PARP14: variants seen among roughly 807,000 people sequenced by gnomAD.
The protein encoded by PARP14 is poly(ADP-ribose) polymerase family member 14, also known as protein mono-ADP-ribosyltransferase PARP14.
In PARP14, 59 loss-of-function variants were observed where a neutral mutation model predicts 154.2. The observed-to-expected ratio is 0.38, with a 90% CI of 0.31 to 0.48. The LOEUF is 0.48. Ranked by LOEUF, PARP14 falls within the 20% of genes least tolerant of loss-of-function variation. The probability of loss-of-function intolerance (pLI) is 0.98; values close to 1 mark genes in which losing one functional copy is unlikely to be tolerated. For missense variants in PARP14, 1,734 were observed against 2,131.6 expected (o/e 0.81, Z 3.67); for synonymous variants, 720 against 780.5 (o/e 0.92, Z 1.29).
chr3:122,699,951 G>A lies in PARP14; in HGVS notation c.1397G>A (p.Ser466Asn), dbSNP rs1938900089. Residue 466 changes from serine to asparagine, a missense_variant, in exon 6 of 17, where the codon AGT (serine) becomes AAT (asparagine). By Grantham distance (46) the Ser-to-Asn change is conservative. This residue lies in a region of PARP14 where 1,646 missense variants were observed against 1,976.0 expected (regional missense o/e 0.83). Coordinates refer to ENST00000474629, the MANE Select transcript of PARP14 (RefSeq NM_017554.3). Reference sequence around the variant, plus strand: ...CAAAAAATTAAAAGGGAAGAGCAAAGTTTGAAGGAAAAAATGATCATTTCT... The same window carrying A: ...CAAAAAATTAAAAGGGAAGAGCAAAATTTGAAGGAAAAAATGATCATTTCT... Reference protein sequence around the residue: ...TTQKIKREEQSLKEKMIISPG... With the variant: ...TTQKIKREEQNLKEKMIISPG... The A allele has an allele frequency of 1.2e-6, 2 of 1,613,796 alleles. No individual in the cohort carries two copies. Among genetic ancestry groups the A allele is most frequent in the African/African-American group, 1.3e-5 (1 of 74,942 alleles).
At chr3:122,697,950 G>C (rs1938832630) in intron 5 of PARP14, among the ~76,000 whole-genome samples, 1 of 152,206 alleles carries the variant, frequency 6.6e-6, no homozygotes, top group Non-Finnish European at 1.5e-5. Context: ...TCTTGGCCGA[G>C]TTACTTTAAC....
intron 2 of PARP14, among the ~76,000 whole-genome samples, chr3:122,685,860 G>A (rs1469879326): frequency 6.6e-6 from 1 of 152,118 alleles, no homozygotes; most frequent in Non-Finnish European, 1.5e-5. Context: ...AAGATTTGGG[G>A]ATTATAATAA....
In PARP14 at chr3:122,697,477, C is replaced by G. The variant is rs1938815064; in HGVS notation, c.835+1815C>G. ...GTATTCTGGTCCCATAACATATACC[C>G]TAACTTCTCTCCTCTTTCCAAATCT... On this transcript the variant is annotated intron_variant, in intron 5 of 16. Transcript: ENST00000474629. Among the ~76,000 whole-genome samples the G allele has an allele frequency of 8.5e-5, 13 of 152,340 alleles. No homozygotes were observed. The South Asian group carries it at 2.7e-3, about 32-fold the overall frequency.
At chr3:122,716,633 C>T (rs568223551) in intron 12 of PARP14, among the ~76,000 whole-genome samples, 1 of 152,302 alleles carries the variant, frequency 6.6e-6, no homozygotes, top group South Asian at 2.1e-4. Flanking sequence ...GACTTTACTT[C>T]CAAAATAGCT....
In PARP14 at chr3:122,701,374, C is replaced by T; in HGVS notation, c.2820C>T (p.Ala940=). 6.2e-7 allele frequency: 1 copy of T among 1,614,032 alleles called. No individual in the cohort carries two copies. The highest frequency in any genetic ancestry group is 8.5e-7 in the Non-Finnish European group (1 of 1,179,878). ...LGRCVETIVS[A]IKENFQFKKD... is the part of the protein sequence containing the mutation. ...GATGCGTGGAGACCATTGTTTCTGC[C>T]ATCAAGGAAAACTTCCAATTCAAGA... The change falls in exon 6 of 17, where the codon GCC becomes GCT. Residue 940 remains alanine, a synonymous_variant. Transcript: ENST00000474629. This position sits in a 1 kb window ranked among gnomAD's most constrained non-coding sequence, Gnocchi z 4.0.
chr3:122,713,769 A>T (rs1939395616), intron 10 of PARP14, 103 bp from the exon 11 acceptor site: 1 of 928,894 alleles, frequency 1.1e-6, no homozygotes, highest in African/African-American at 1.6e-5. Context: ...CAATTAGAGG[A>T]TTCCTCAGAT....
chr3:122,714,243 T>G lies in PARP14; in HGVS notation c.3833-19T>G. ...TTCAACTTCTACTAATTTTGCATCT[T>G]TTTGTCTGTGTTTCCCAGCTCAGCA... is the stretch of plus-strand genomic sequence containing the variant. On this transcript the variant is annotated intron_variant, in intron 11 of 16. Transcript: ENST00000474629. 1 of 1,578,216 alleles carries G rather than the reference T, an allele frequency of 6.3e-7. No homozygotes were observed. Among genetic ancestry groups the G allele is most frequent in the Non-Finnish European group, 8.6e-7 (1 of 1,168,326 alleles).
At chr3:122,718,001 C>A (rs891462552) in intron 12 of PARP14, 70 bp from the exon 13 acceptor site, 3 of 1,182,994 alleles carry the variant, frequency 2.5e-6, no homozygotes, top group African/African-American at 1.5e-5. Flanking sequence ...ATTGGAAACC[C>A]TAATTTATTC....
chr3:122,728,623 T>G lies in PARP14; in HGVS notation c.*26T>G. 6.3e-7 allele frequency: 1 copy of G among 1,574,834 alleles called. No homozygotes were observed. The highest frequency in any genetic ancestry group is 1.7e-5 in the Admixed American group (1 of 58,152). On this transcript the variant is annotated 3_prime_UTR_variant, in exon 17 of 17. Coordinates refer to ENST00000474629, the MANE Select transcript of PARP14 (RefSeq NM_017554.3). ...CACTTTGGTATCCTTCCCACAAAAT[T>G]ATTCTCCATTTGTACATATCTAGTT...
At chr3:122,702,227 A>C (rs991025616) in intron 6 of PARP14, among the ~76,000 whole-genome samples, 3 of 151,732 alleles carry the variant, frequency 2.0e-5, no homozygotes, top group Admixed American at 6.6e-5. Context: ...TTTTCTTTTT[A>C]TTTTTTTGAG....
chr3:122,703,820 G>A lies in PARP14; in HGVS notation c.3160G>A (p.Ala1054Thr). 3.1e-6 allele frequency: 5 copies of A among 1,613,942 alleles called. No homozygotes were observed. Among genetic ancestry groups the A allele is most frequent in the Non-Finnish European group, 4.2e-6 (5 of 1,179,854 alleles). The stretch of plus-strand genomic sequence containing the variant: ...TCTTTCTAAGTCCCTCTTGGAAAAA[G>A]CTGGACCAGAGCTCCAGGAGGAATT... Reference protein sequence around the residue: ...GPLSKSLLEKAGPELQEELDT... With the variant: ...GPLSKSLLEKTGPELQEELDT... Residue 1054 changes from alanine (A) to threonine (T), a missense_variant, in exon 7 of 17, where the codon GCT becomes ACT. Ala to Thr is a moderately conservative substitution (Grantham distance 58). This residue lies in a region of PARP14 where 1,646 missense variants were observed against 1,976.0 expected (regional missense o/e 0.83). Transcript: ENST00000474629.
rs1395422506 is a variant in PARP14 at position 122,701,647 on chromosome 3, T to C, written c.3081+12T>C. The C allele has an allele frequency of 2.6e-6, 4 of 1,549,480 alleles. No individual in the cohort carries two copies. The highest frequency in any genetic ancestry group is 3.5e-4 in the Middle Eastern group (2 of 5,680). On this transcript the variant is annotated intron_variant, in intron 6 of 16. Transcript: ENST00000474629. This position sits in a 1 kb window ranked among gnomAD's most constrained non-coding sequence, Gnocchi z 4.0. ...TGCAGAATGCTAAGGTGAGTGTCGC[T>C]TTTACAGAACACCACCAGGGCACTG...
chr3:122,708,094 A>G (rs887556977), intron 8 of PARP14, 96 bp from the exon 9 acceptor site: 2 of 616,670 alleles, frequency 3.2e-6, no homozygotes, highest in South Asian at 2.0e-5. Context: ...TTATCTCCCA[A>G]ATATGTATGT....
chr3:122,699,964 A>G lies in PARP14; in HGVS notation c.1410A>G (p.Lys470=). Residue 470 remains lysine (K), a synonymous_variant, in exon 6 of 17, where the codon AAA becomes AAG. Coordinates refer to ENST00000474629, the MANE Select transcript of PARP14 (RefSeq NM_017554.3). ...IKREEQSLKE[K]MIISPGRYFL... Reference sequence around the variant, plus strand: ...GGGAAGAGCAAAGTTTGAAGGAAAAAATGATCATTTCTCCAGGCAGGTATT... The same window carrying G: ...GGGAAGAGCAAAGTTTGAAGGAAAAGATGATCATTTCTCCAGGCAGGTATT... 6.2e-7 allele frequency: 1 copy of G among 1,613,960 alleles called. No individual in the cohort carries two copies. The highest frequency in any genetic ancestry group is 8.5e-7 in the Non-Finnish European group (1 of 1,179,840).
chr3:122,716,382 A>G (rs1278041584), intron 12 of PARP14, among the ~76,000 whole-genome samples: 1 of 152,136 alleles, frequency 6.6e-6, no homozygotes, highest in East Asian at 1.9e-4. Context: ...CTTAGGAATT[A>G]TTTGATTGAA....
chr3:122,694,762 C>T (rs781488122), intron 4 of PARP14, among the ~76,000 whole-genome samples: 10 of 152,216 alleles, frequency 6.6e-5, no homozygotes, highest in Middle Eastern at 6.8e-3. Flanking sequence ...TCAGGTGATC[C>T]GCCTGCCTTG....
chr3:122,726,497 C>T (rs1245866504), intron 15 of PARP14, among the ~76,000 whole-genome samples: 1 of 152,110 alleles, frequency 6.6e-6, no homozygotes, highest in East Asian at 1.9e-4. Flanking sequence ...GACTTTTCTC[C>T]CTCTCTAGCT....
chr3:122,705,589 C>T (rs1203237776), intron 8 of PARP14, among the ~76,000 whole-genome samples: 1 of 152,178 alleles, frequency 6.6e-6, no homozygotes, highest in Admixed American at 6.5e-5. Context: ...GCTTTTAAGC[C>T]ATTATCCCTG....
At chr3:122,725,341 G>A (rs1224257065) in intron 15 of PARP14, among the ~76,000 whole-genome samples, 1 of 151,698 alleles carries the variant, frequency 6.6e-6, no homozygotes, top group African/African-American at 2.4e-5. Context: ...TGGGGTGGCG[G>A]CCGGGCAGAG....
Sources: allele counts gnomAD v4.1 joint callset (sites outside exome capture counted in the v4.1 genomes callset), GRCh38; gene constraint gnomAD v4.1.1; regional missense constraint gnomAD v4.1.1; non-coding constraint Gnocchi (gnomAD v3.1); transcripts MANE v1.5; gene names NCBI Gene and HGNC (gene_info 2026-07-23, HGNC 2026-07-21).